The following ASTN2 variants were observed in gnomAD, a reference collection of about 807,000 sequenced individuals.
The protein encoded by ASTN2 is astrotactin 2.
In ASTN2, 54 loss-of-function variants were observed where a neutral mutation model predicts 139.8. The observed-to-expected ratio is 0.39, with a 90% confidence interval of 0.31 to 0.48. The LOEUF is 0.48. ASTN2 is among the 20% of genes least tolerant of loss of function. The pLI, the probability that ASTN2 is intolerant of heterozygous loss-of-function variation, is 0.95. For synonymous variants in ASTN2, 756 were observed against 719.5 expected, an observed-to-expected ratio of 1.05 and a Z score of -0.81; for missense variants, 1,565 against 1,725.1, an observed-to-expected ratio of 0.91 and a Z score of 1.64.
intron 11 of ASTN2, among the ~76,000 whole-genome samples, chr9:116,839,314 ATTTTAT>A (rs1377700308): frequency 6.6e-6 from 1 of 152,040 alleles, no homozygotes; most frequent in Non-Finnish European, 1.5e-5. Flanking sequence ...TGCTCGGCTA[ATTTTAT>A]TTTTATTTTT....
intron 20 of ASTN2, among the ~76,000 whole-genome samples, chr9:116,468,345 A>G (rs1377144786): frequency 2.6e-5 from 4 of 152,228 alleles, no homozygotes; most frequent in Non-Finnish European, 5.9e-5. Context: ...GGACAGTTAT[A>G]GTACATAGGA....
intron 4 of ASTN2, among the ~76,000 whole-genome samples, chr9:117,135,276 T>C (rs940478192): frequency 1.3e-5 from 2 of 152,226 alleles, no homozygotes; most frequent in Non-Finnish European, 2.9e-5. Flanking sequence ...CTGTGTAAGC[T>C]TGAGTTTCCT....
chr9:117,082,843 C>T (rs959344019), intron 5 of ASTN2, among the ~76,000 whole-genome samples: 2 of 152,150 alleles, frequency 1.3e-5, no homozygotes, highest in Non-Finnish European at 2.9e-5. Context: ...TTCATAGACT[C>T]GTCATTTCAT....
chr9:116,936,033 G>T (rs143767502), intron 10 of ASTN2, among the ~76,000 whole-genome samples: 1,444 of 9,524 alleles, frequency 0.15, 22 homozygotes, highest in Non-Finnish European at 0.21. Context: ...TGGTGTCAGT[G>T]GTCTTAATTA....
chr9:116,946,071 A>G (rs1835386018), intron 10 of ASTN2, among the ~76,000 whole-genome samples: 1 of 152,232 alleles, frequency 6.6e-6, no homozygotes, highest in Admixed American at 6.5e-5. Flanking sequence ...AGATCTCTTG[A>G]GAACTCACTT....
chr9:116,845,262 C>T (rs958904983), intron 11 of ASTN2, among the ~76,000 whole-genome samples: 1 of 152,172 alleles, frequency 6.6e-6, no homozygotes, highest in African/African-American at 2.4e-5. Flanking sequence ...CTACAGGCGC[C>T]TGCCACCATG....
intron 1 of ASTN2, among the ~76,000 whole-genome samples, chr9:117,306,162 C>A (rs1834993402): frequency 6.6e-6 from 1 of 152,182 alleles, no homozygotes; most frequent in African/African-American, 2.4e-5. Context: ...TGGCTCCCAC[C>A]CCACTTGGTT....
At chr9:117,255,959 G>A (rs1290071426) in intron 2 of ASTN2, among the ~76,000 whole-genome samples, 1 of 152,196 alleles carries the variant, frequency 6.6e-6, no homozygotes. Flanking sequence ...CACACATCTA[G>A]AGATAATCAT....
intron 17 of ASTN2, among the ~76,000 whole-genome samples, chr9:116,644,324 C>T (rs1424927912): frequency 1.3e-5 from 2 of 152,144 alleles, no homozygotes; most frequent in Non-Finnish European, 2.9e-5. Context: ...CTTCCTAGAG[C>T]AGCATGAACA....
intron 10 of ASTN2, among the ~76,000 whole-genome samples, chr9:116,928,638 A>G (rs1240841377): frequency 1.3e-5 from 2 of 152,326 alleles, no homozygotes; most frequent in African/African-American, 2.4e-5. Context: ...AAGGGGAAGA[A>G]AGAAATAAAA....
chr9:116,966,766 G>A (rs1320399732), intron 10 of ASTN2, among the ~76,000 whole-genome samples: 2 of 149,158 alleles, frequency 1.3e-5, no homozygotes, highest in Non-Finnish European at 3.0e-5. Flanking sequence ...CATATTCCAT[G>A]AACCTAGCTG....
At chr9:116,507,275 T>C (rs1850152962) in intron 19 of ASTN2, among the ~76,000 whole-genome samples, 1 of 152,148 alleles carries the variant, frequency 6.6e-6, no homozygotes, top group African/African-American at 2.4e-5. Context: ...AGTTGAAATA[T>C]TGTCACCTGA....
intron 1 of ASTN2, among the ~76,000 whole-genome samples, chr9:117,336,831 G>T (rs1294641934): frequency 6.6e-6 from 1 of 152,044 alleles, no homozygotes; most frequent in African/African-American, 2.4e-5. Flanking sequence ...GTCCTCAAAA[G>T]GTCCAGCACT....
intron 6 of ASTN2, among the ~76,000 whole-genome samples, chr9:117,016,652 A>T (rs1837706178): frequency 9.6e-6 from 1 of 104,456 alleles, no homozygotes; most frequent in Admixed American, 9.3e-5. Flanking sequence ...ATATATATAT[A>T]TATAACCTAT....
intron 4 of ASTN2, among the ~76,000 whole-genome samples, chr9:117,127,020 G>A (rs1056601136): frequency 5.9e-5 from 9 of 152,204 alleles, no homozygotes; most frequent in African/African-American, 2.2e-4. Context: ...GCCCTAAAGA[G>A]CAGTTTGGAA....
intron 7 of ASTN2, among the ~76,000 whole-genome samples, chr9:116,995,943 C>T (rs752284004): frequency 6.6e-6 from 1 of 152,142 alleles, no homozygotes; most frequent in Non-Finnish European, 1.5e-5. Flanking sequence ...TAGGCTCAAG[C>T]ACTCTGCTCA....
rs1019874115 is a variant in ASTN2, at chr9:116,681,410, T to G, written c.2807-29617A>C. On this transcript the variant is annotated intron_variant, in intron 16 of 22. Transcript: ENST00000313400. ...AAATGGAAGAACATTCCATGCTCAT[T>G]GGTAGGAAGAATTAATATCGTGAAA... 2.6e-4 allele frequency among the ~76,000 whole-genome samples: 39 copies of G among 152,092 alleles called. 1 individual carries two copies. Among genetic ancestry groups the G allele is most frequent in the Non-Finnish European group, 4.1e-4 (28 of 67,990 alleles).
intron 1 of ASTN2, among the ~76,000 whole-genome samples, chr9:117,337,520 C>A (rs767401245): frequency 1.3e-5 from 2 of 152,082 alleles, no homozygotes; most frequent in African/African-American, 2.4e-5. Flanking sequence ...TATAACAGCA[C>A]CGTTAAGTAA....
At chr9:117,050,469 C>T (rs931453260) in intron 5 of ASTN2, among the ~76,000 whole-genome samples, 2 of 152,074 alleles carry the variant, frequency 1.3e-5, no homozygotes, top group East Asian at 3.9e-4. Flanking sequence ...TGCTTCCTCC[C>T]CTGCTCCCAG....
Sources: gnomAD v4.1 joint callset for allele counts (sites outside exome capture counted in the v4.1 genomes callset) on GRCh38, gnomAD v4.1.1 for gene constraint, MANE v1.5 for transcripts, NCBI Gene and HGNC (gene_info 2026-07-23, HGNC 2026-07-21) for gene names.